The following LYPLAL1 variants were observed in gnomAD, a reference collection of about 807,000 sequenced individuals.
The protein encoded by LYPLAL1 is lysophospholipase like 1, also known as lysophospholipase-like protein 1.
LYPLAL1 carries 23 observed loss-of-function variants against 19.7 expected under a neutral mutation model. That is an observed-to-expected ratio of 1.17 (90% CI 0.84 to 1.65). LYPLAL1 has a LOEUF of 1.65. Ranked by LOEUF, LYPLAL1 falls within the 40% of genes most tolerant of loss-of-function variation. The probability of loss-of-function intolerance (pLI) is 0.00; values close to 1 mark genes in which losing one functional copy is unlikely to be tolerated. For synonymous variants in LYPLAL1, 119 were observed against 96.3 expected (o/e 1.24, Z -1.38); for missense variants, 355 against 279.4 (o/e 1.27, Z -1.93).
At chr1:219,289,939 A>C in the LYPLAL1 span, among the ~76,000 whole-genome samples, 1 of 152,198 alleles carries the variant, frequency 6.6e-6, no homozygotes, top group Admixed American at 6.5e-5. Context: ...TAATTGAATG[A>C]GAATTAGTGT....
At chr1:219,196,192 A>G (rs553603098) in intron 3 of LYPLAL1, among the ~76,000 whole-genome samples, 59 of 152,272 alleles carry the variant, frequency 3.9e-4, no homozygotes, top group Middle Eastern at 3.4e-3. Context: ...GTGTATACCC[A>G]GTAATGAAAT....
chr1:219,306,741 C>CATGGATAG, the LYPLAL1 span, among the ~76,000 whole-genome samples: 1 of 128,104 alleles, frequency 7.8e-6, no homozygotes, highest in Non-Finnish European at 1.6e-5. Context: ...CAGACAGATG[C>CATGGATAG]ATAGATAGAT....
At chr1:219,300,184 A>G in the LYPLAL1 span, among the ~76,000 whole-genome samples, 4 of 152,010 alleles carry the variant, frequency 2.6e-5, no homozygotes, top group African/African-American at 7.2e-5. Context: ...AGGTATATCT[A>G]TGTTCCCCAG....
At chr1:219,198,296 C>A (rs1020336671) in intron 3 of LYPLAL1, among the ~76,000 whole-genome samples, 2 of 151,666 alleles carry the variant, frequency 1.3e-5, no homozygotes, top group African/African-American at 2.4e-5. Flanking sequence ...AGAAAAAAAA[C>A]TATTATTAAA....
the LYPLAL1 span, among the ~76,000 whole-genome samples, chr1:219,367,323 T>C: frequency 6.6e-6 from 1 of 152,222 alleles, no homozygotes; most frequent in Non-Finnish European, 1.5e-5. Context: ...CTCAAAGTTG[T>C]TAGCCAAAAA....
the LYPLAL1 span, among the ~76,000 whole-genome samples, chr1:219,227,848 G>GC: frequency 1.4e-4 from 22 of 152,188 alleles, no homozygotes; most frequent in African/African-American, 5.1e-4. Context: ...TGGATGCTTT[G>GC]CAACAGCATG....
the LYPLAL1 span, among the ~76,000 whole-genome samples, chr1:219,277,368 G>T: frequency 6.6e-6 from 1 of 152,166 alleles, no homozygotes; most frequent in Non-Finnish European, 1.5e-5. Flanking sequence ...ATGGGGTGTA[G>T]CTGAAGTGTT....
the LYPLAL1 span, among the ~76,000 whole-genome samples, chr1:219,325,536 G>A: frequency 2.0e-5 from 3 of 152,144 alleles, no homozygotes; most frequent in African/African-American, 7.2e-5. Flanking sequence ...ACACTTATAT[G>A]ACTTTGTTCC....
chr1:219,390,326 A>G, the LYPLAL1 span, among the ~76,000 whole-genome samples: 8 of 152,314 alleles, frequency 5.3e-5, no homozygotes, highest in Middle Eastern at 6.8e-3. Flanking sequence ...CCTTTATCAG[A>G]CAGAGAAAAC....
At chr1:219,220,192 C>T in the LYPLAL1 span, among the ~76,000 whole-genome samples, 2 of 152,128 alleles carry the variant, frequency 1.3e-5, no homozygotes, top group South Asian at 2.1e-4. Flanking sequence ...ATACAAGAGA[C>T]CCATTATGCC....
At chr1:219,431,879 G>T in the LYPLAL1 span, among the ~76,000 whole-genome samples, 2 of 152,036 alleles carry the variant, frequency 1.3e-5, no homozygotes, top group African/African-American at 4.8e-5. Context: ...TCCTAATCTC[G>T]CTACCCTCCT....
At chr1:219,314,257 T>C in the LYPLAL1 span, among the ~76,000 whole-genome samples, 1 of 152,224 alleles carries the variant, frequency 6.6e-6, no homozygotes, top group Non-Finnish European at 1.5e-5. Context: ...TCCATGTCTT[T>C]ACTATTGTGA....
At chr1:219,272,346 T>C in the LYPLAL1 span, 1 of 152,296 alleles carries the variant, frequency 6.6e-6, no homozygotes, top group Non-Finnish European at 1.5e-5. Flanking sequence ...GACACAGAGA[T>C]GACCCCTAAG....
the LYPLAL1 span, among the ~76,000 whole-genome samples, chr1:219,267,264 C>T: frequency 2.6e-5 from 4 of 152,196 alleles, no homozygotes; most frequent in African/African-American, 9.6e-5. Context: ...CAGCAACACA[C>T]TCCTTATTTA....
the LYPLAL1 span, among the ~76,000 whole-genome samples, chr1:219,277,791 G>GA: frequency 2.6e-5 from 4 of 151,878 alleles, no homozygotes; most frequent in African/African-American, 9.7e-5. Context: ...TTGTCATTGT[G>GA]ATTTTTTTTT....
the LYPLAL1 span, among the ~76,000 whole-genome samples, chr1:219,408,853 G>C: frequency 5.3e-5 from 8 of 152,140 alleles, no homozygotes; most frequent in African/African-American, 1.7e-4. Context: ...AGGGAATAAT[G>C]GGAAATATTT....
chr1:219,306,493 G>A, the LYPLAL1 span, among the ~76,000 whole-genome samples: 1 of 152,260 alleles, frequency 6.6e-6, no homozygotes, highest in African/African-American at 2.4e-5. Context: ...AGAACATAAA[G>A]TCTAGTAAGA....
chr1:219,236,612 A>G, the LYPLAL1 span, among the ~76,000 whole-genome samples: 1 of 152,192 alleles, frequency 6.6e-6, no homozygotes, highest in Non-Finnish European at 1.5e-5. Flanking sequence ...TAGAAACAAT[A>G]TTTTCATATA....
the LYPLAL1 span, among the ~76,000 whole-genome samples, chr1:219,274,311 G>A: frequency 6.6e-6 from 1 of 152,148 alleles, no homozygotes; most frequent in East Asian, 1.9e-4. Context: ...CGTGCAAAAG[G>A]ACACCCAGAA....
Sources: gnomAD v4.1 joint callset for allele counts (sites outside exome capture counted in the v4.1 genomes callset) on GRCh38, gnomAD v4.1.1 for gene constraint, MANE v1.5 for transcripts, NCBI Gene and HGNC (gene_info 2026-07-23, HGNC 2026-07-21) for gene names.